ANK2: variants seen among roughly 807,000 people sequenced by gnomAD.
ANK2 encodes the protein ankyrin-2.
Under a neutral mutation model 360.5 loss-of-function variants are expected in ANK2, and 83 were observed. The ratio of observed to expected loss-of-function variants is 0.23; its 90% CI spans 0.19 to 0.28. The LOEUF (loss-of-function observed/expected upper bound fraction) is 0.28, where lower values mean the gene tolerates loss of function less well. Ranked by LOEUF, ANK2 falls within the 10% of genes least tolerant of loss-of-function variation. The pLI is 1.00. For missense variants in ANK2, 4,201 were observed against 4,795.7 expected (o/e 0.88, Z 3.66); for synonymous variants, 1,740 against 1,759.5 (o/e 0.99, Z 0.28).
At chr4:112,858,250 A>G (rs1269239528) in intron 1 of ANK2, among the ~76,000 whole-genome samples, 1 of 152,066 alleles carries the variant, frequency 6.6e-6, no homozygotes, top group African/African-American at 2.4e-5. Flanking sequence ...ACAATAACAT[A>G]ATTGATTATA....
the ANK2 span, among the ~76,000 whole-genome samples, chr4:112,738,194 G>T: frequency 6.6e-6 from 1 of 152,116 alleles, no homozygotes; most frequent in Non-Finnish European, 1.5e-5. Flanking sequence ...CAGATCACCT[G>T]AGGTCAGGAG....
intron 1 of ANK2, among the ~76,000 whole-genome samples, chr4:112,901,627 C>T (rs1176977850): frequency 2.0e-5 from 3 of 152,062 alleles, no homozygotes; most frequent in African/African-American, 7.2e-5. Flanking sequence ...TTTTGGGAGG[C>T]TGAGGCAGGC....
chr4:113,357,629 G>A lies in ANK2; in HGVS notation c.9011G>A (p.Trp3004Ter), dbSNP rs1283696312. The change falls in exon 38 of 46, where the codon TGG becomes TAG. Residue 3004 changes from tryptophan (W) to a stop codon, truncating the protein, a stop_gained. Coordinates refer to ENST00000357077, the MANE Select transcript of ANK2 (RefSeq NM_001148.6). LOFTEE classifies it high-confidence loss of function. ...GAATCCCAACAGGAAAGTACCTTGT[G>A]GGAAATGCAATCAGACAGTGTCTCT... Reference protein sequence around the residue: ...KMESQQESTLWEMQSDSVSSS... With the variant: ...KMESQQESTL 1 of 1,614,124 alleles carries A rather than the reference G, an allele frequency of 6.2e-7. No homozygotes were observed. Among genetic ancestry groups the A allele is most frequent in the Admixed American group, 1.7e-5 (1 of 60,024 alleles).
chr4:113,207,633 G>A (rs1448232053), intron 4 of ANK2, among the ~76,000 whole-genome samples: 2 of 146,934 alleles, frequency 1.4e-5, no homozygotes, highest in Non-Finnish European at 3.0e-5. Context: ...TAAGAAGCTA[G>A]GTGAAACCAT....
chr4:112,877,938 C>A (rs969416057), intron 1 of ANK2, among the ~76,000 whole-genome samples: 1 of 152,188 alleles, frequency 6.6e-6, no homozygotes, highest in Non-Finnish European at 1.5e-5. Flanking sequence ...CATCCATAAT[C>A]ATGGTTGTTA....
chr4:112,866,392 A>G (rs1699030636), intron 1 of ANK2, among the ~76,000 whole-genome samples: 3 of 152,218 alleles, frequency 2.0e-5, no homozygotes, highest in Admixed American at 6.5e-5. Flanking sequence ...TATAATGACA[A>G]TAAAGTGAGT....
chr4:113,346,748 T>C (rs2094904284), intron 35 of ANK2, among the ~76,000 whole-genome samples: 1 of 152,184 alleles, frequency 6.6e-6, no homozygotes, highest in Non-Finnish European at 1.5e-5. Context: ...TTTGAGTAGA[T>C]TTAAAACATT....
At chr4:112,774,122 C>T in the ANK2 span, among the ~76,000 whole-genome samples, 1 of 151,918 alleles carries the variant, frequency 6.6e-6, no homozygotes, top group Non-Finnish European at 1.5e-5. Flanking sequence ...TGAGCCACCG[C>T]GCCCAGCCGG....
At chr4:113,381,286 G>A (rs996757004) in intron 45 of ANK2, among the ~76,000 whole-genome samples, 171 bp from the exon 46 acceptor site, 1 of 152,178 alleles carries the variant, frequency 6.6e-6, no homozygotes. Flanking sequence ...GGGGAGCCAT[G>A]TTTAAAAGAA....
At chr4:112,888,877 C>T (rs1453668252) in intron 1 of ANK2, among the ~76,000 whole-genome samples, 1 of 152,098 alleles carries the variant, frequency 6.6e-6, no homozygotes, top group Non-Finnish European at 1.5e-5. Flanking sequence ...GACAGCCAAA[C>T]AAAGAAGAGG....
At chr4:112,923,065 G>A (rs1412311201) in intron 2 of ANK2, among the ~76,000 whole-genome samples, 1 of 151,946 alleles carries the variant, frequency 6.6e-6, no homozygotes, top group Non-Finnish European at 1.5e-5. Flanking sequence ...CAAAATAGAG[G>A]TGCAGTTTCA....
chr4:113,004,508 CA>C (rs1243433059), intron 2 of ANK2, among the ~76,000 whole-genome samples: 2 of 152,138 alleles, frequency 1.3e-5, no homozygotes, highest in African/African-American at 2.4e-5. Context: ...GGAAGGTCTT[CA>C]GGGGCAGTAA....
At chr4:112,967,122 A>G (rs2037591248) in intron 2 of ANK2, among the ~76,000 whole-genome samples, 1 of 152,194 alleles carries the variant, frequency 6.6e-6, no homozygotes, top group African/African-American at 2.4e-5. Flanking sequence ...TAATCCTGAA[A>G]TATGATGGTG....
intron 45 of ANK2, chr4:113,378,044 C>G (rs2097020187): frequency 3.1e-6 from 3 of 964,512 alleles, no homozygotes; most frequent in Non-Finnish European, 4.3e-6. Flanking sequence ...GTTTGAAAGT[C>G]TATAGTTTAT....
chr4:112,940,030 T>C (rs2094087914), intron 2 of ANK2, among the ~76,000 whole-genome samples: 1 of 152,226 alleles, frequency 6.6e-6, no homozygotes, highest in Non-Finnish European at 1.5e-5. Context: ...GTTGTTTAAG[T>C]TAGTTTTATA....
the ANK2 span, among the ~76,000 whole-genome samples, chr4:112,746,342 G>T: frequency 2.0e-5 from 3 of 151,962 alleles, no homozygotes; most frequent in Non-Finnish European, 4.4e-5. Flanking sequence ...TTCAAATGTT[G>T]TTTGGATTGT....
At chr4:112,743,606 G>A in the ANK2 span, among the ~76,000 whole-genome samples, 1 of 125,944 alleles carries the variant, frequency 7.9e-6, no homozygotes, top group Non-Finnish European at 1.6e-5. Flanking sequence ...GCCCTGGCAC[G>A]ATCTCGGCTC....
rs1009241276 is a variant in ANK2, at chr4:113,240,670, G to A, written c.792+87G>A. ...AAGGAACACCAATGGCTTTCTTAAA[G>A]ATTTTACTTCTTTTTCCTTACCTGG... On this transcript the variant is annotated intron_variant, in intron 8 of 45. Transcript: ENST00000357077. 5 of 1,211,680 alleles carry A rather than the reference G, an allele frequency of 4.1e-6. No homozygotes were observed. In the African/African-American group the frequency reaches 6.0e-5, roughly 15 times the overall value. The allele number at this position is 1,211,680 out of a possible 1,614,324, so 75.1% of individuals were successfully genotyped here. A position where few individuals can be genotyped will look rare whatever the true frequency, so the allele number is the denominator to read the frequency against.
At chr4:112,750,171 A>G in the ANK2 span, among the ~76,000 whole-genome samples, 1 of 151,998 alleles carries the variant, frequency 6.6e-6, no homozygotes, top group African/African-American at 2.4e-5. Flanking sequence ...GTGGCTCACA[A>G]CCGTAATCCC....
Sources: gnomAD v4.1 joint callset for allele counts (sites outside exome capture counted in the v4.1 genomes callset) on GRCh38, gnomAD v4.1.1 for gene constraint, MANE v1.5 for transcripts, NCBI Gene and HGNC (gene_info 2026-07-23, HGNC 2026-07-21) for gene names.